PDXK: variants seen among roughly 807,000 people sequenced by gnomAD.
The protein encoded by PDXK is epididymis secretory sperm binding protein Li 1a.
In PDXK, 15 loss-of-function variants were observed where a neutral mutation model predicts 43.2. The ratio of observed to expected loss-of-function variants is 0.35; its 90% confidence interval spans 0.23 to 0.53. The LOEUF (loss-of-function observed/expected upper bound fraction) is 0.53. Ranked by LOEUF, PDXK falls within the 20% of genes least tolerant of loss-of-function variation. PDXK has a pLI of 0.92. For missense variants in PDXK, 343 were observed against 417.0 expected (o/e 0.82, Z 1.54); for synonymous variants, 172 against 165.4 (o/e 1.04, Z -0.31).
chr21:43,755,558 G>A (rs2083833324), intron 9 of PDXK, 140 bp from the exon 10 acceptor site: 1 of 745,708 alleles, frequency 1.3e-6, no homozygotes. Context: ...GGTTCAGCAC[G>A]TGCATTGGCG....
At chr21:43,747,973 G>A (rs2083666895) in intron 5 of PDXK, among the ~76,000 whole-genome samples, 2 of 152,328 alleles carry the variant, frequency 1.3e-5, no homozygotes, top group Non-Finnish European at 2.9e-5. Context: ...GCCATGTCTG[G>A]AGCAGCGGCC....
chr21:43,740,782 T>G (rs1001732374), intron 2 of PDXK, among the ~76,000 whole-genome samples: 1 of 151,890 alleles, frequency 6.6e-6, no homozygotes. Flanking sequence ...TTCACATCTA[T>G]CTCTTGCTCA....
chr21:43,727,644 T>C lies in PDXK; in HGVS notation c.88-6425T>C, dbSNP rs150877899. Among the ~76,000 whole-genome samples the C allele has an allele frequency of 4.1e-4, 62 of 152,338 alleles. 1 individual carries two copies. The highest frequency in any genetic ancestry group is 1.4e-3 in the African/African-American group (59 of 41,578). ...GCTGTGCAGTGCACACAGGTTTGGC[T>C]GACCCCAAGGGCCAGTTGCTGTGCA... is the stretch of plus-strand genomic sequence containing the variant. On this transcript the variant is annotated intron_variant, in intron 1 of 10. Transcript: ENST00000291565.
At position 43,756,028 on chromosome 21, in the gene PDXK, G is replaced by C; in HGVS notation, c.904G>C (p.Asp302His). ...RMVQSKRDIE[D>H]PEIVVQATVL The stretch of plus-strand genomic sequence containing the variant: ...GGTGCAGAGCAAAAGGGACATCGAG[G>C]ACCCAGAGATCGTCGTCCAGGCCAC... The change falls in exon 11 of 11, where the codon GAC becomes CAC. Residue 302 changes from aspartate to histidine, a missense_variant. Asp to His is a moderately conservative substitution (Grantham distance 81, BLOSUM62 -1). Transcript: ENST00000291565. 2.5e-6 allele frequency: 4 copies of C among 1,612,744 alleles called. No homozygotes were observed. The highest frequency in any genetic ancestry group is 3.4e-6 in the Non-Finnish European group (4 of 1,179,482).
chr21:43,749,218 C>T (rs1301961259), intron 6 of PDXK, 138 bp downstream of exon 6: 1 of 501,318 alleles, frequency 2.0e-6, no homozygotes, highest in Non-Finnish European at 3.5e-6. Flanking sequence ...AATTCTCCTG[C>T]CTCAGCCTCC....
At chr21:43,749,229 C>T (rs540147520) in intron 6 of PDXK, 149 bp downstream of exon 6, 13 of 491,504 alleles carry the variant, frequency 2.6e-5, no homozygotes, top group East Asian at 7.5e-5. Flanking sequence ...CTCAGCCTCC[C>T]GAGTAGCTGG....
At chr21:43,747,851 G>C (rs977090452) in intron 5 of PDXK, among the ~76,000 whole-genome samples, 4 of 152,224 alleles carry the variant, frequency 2.6e-5, no homozygotes, top group African/African-American at 7.2e-5. Flanking sequence ...GGTTAAAGGG[G>C]TGTGTTGGCC....
At chr21:43,752,736 T>G in intron 8 of PDXK, 107 bp downstream of exon 8, 1 of 690,182 alleles carries the variant, frequency 1.4e-6, no homozygotes, top group Non-Finnish European at 2.6e-6. Context: ...ATTTAAGCCT[T>G]ATCCAGCACC....
chr21:43,733,432 C>T (rs1337162533), intron 1 of PDXK, among the ~76,000 whole-genome samples: 2 of 152,134 alleles, frequency 1.3e-5, no homozygotes, highest in Non-Finnish European at 2.9e-5. Context: ...GGATGGCCCC[C>T]CAAACTAGCG....
intron 1 of PDXK, among the ~76,000 whole-genome samples, chr21:43,729,999 G>C (rs1374274770): frequency 6.6e-6 from 1 of 152,060 alleles, no homozygotes; most frequent in African/African-American, 2.4e-5. Flanking sequence ...ATGGTAGCAC[G>C]GCGGCCTAAT....
intron 1 of PDXK, among the ~76,000 whole-genome samples, chr21:43,725,511 C>CA (rs1190414370): frequency 2.0e-5 from 3 of 151,824 alleles, no homozygotes; most frequent in Non-Finnish European, 4.4e-5. Context: ...GCAAACAGTA[C>CA]AAAAAAGCCA....
Position 43,737,768 on chromosome 21 carries a change from C to T in PDXK, c.142+3645C>T, listed in dbSNP as rs1161783759. The stretch of plus-strand genomic sequence containing the variant: ...GGCCAGGCCGGGCCAGACTCCCTGG[C>T]CGGCTGGGATCTGACAGGAGTGCCA... On this transcript the variant is annotated intron_variant, in intron 2 of 10. Transcript: ENST00000291565. This position sits in a 1 kb window ranked among gnomAD's most constrained non-coding sequence, Gnocchi z 4.8. 2.0e-6 allele frequency: 2 copies of T among 985,322 alleles called. No homozygotes were observed. Among genetic ancestry groups the T allele is most frequent in the Non-Finnish European group, 2.4e-6 (2 of 829,922 alleles). The allele number at this position is 985,322 out of a possible 1,614,324, so 61.0% of individuals were successfully genotyped here.
intron 2 of PDXK, among the ~76,000 whole-genome samples, chr21:43,740,726 G>A (rs1469404602): frequency 6.6e-6 from 1 of 151,818 alleles, no homozygotes; most frequent in African/African-American, 2.4e-5. Context: ...GCTACCCATC[G>A]GGCCAAGGGC....
chr21:43,726,295 CG>C (rs2083253222), intron 1 of PDXK, among the ~76,000 whole-genome samples: 2 of 113,378 alleles, frequency 1.8e-5, no homozygotes, highest in South Asian at 5.5e-4. Context: ...TTTTTTGAGA[CG>C]GAGTCTCACT....
intron 2 of PDXK, chr21:43,738,079 G>A (rs1009995111): frequency 2.7e-5 from 27 of 982,088 alleles, no homozygotes; most frequent in South Asian, 4.7e-5. Flanking sequence ...GCTGAATTAC[G>A]TCCCCCCAAA....
At chr21:43,740,479 A>G (rs1421274645) in intron 2 of PDXK, among the ~76,000 whole-genome samples, 1 of 152,016 alleles carries the variant, frequency 6.6e-6, no homozygotes, top group African/African-American at 2.4e-5. Flanking sequence ...ATGTGGGAGG[A>G]GGCCGGGAGC....
chr21:43,724,727 C>T (rs1285548042), intron 1 of PDXK, among the ~76,000 whole-genome samples: 1 of 151,586 alleles, frequency 6.6e-6, no homozygotes, highest in Non-Finnish European at 1.5e-5. Context: ...TGTAGTCCCA[C>T]CTACTTGGGA....
intron 9 of PDXK, 53 bp from the exon 10 acceptor site, chr21:43,755,645 A>G (rs2147326241): frequency 7.2e-7 from 1 of 1,387,406 alleles, no homozygotes; most frequent in Non-Finnish European, 1.0e-6. Flanking sequence ...AGCAGTGGGC[A>G]CGTCGGGTGT....
chr21:43,721,105 C>T (rs957263837), intron 1 of PDXK, among the ~76,000 whole-genome samples: 1 of 152,224 alleles, frequency 6.6e-6, no homozygotes, highest in African/African-American at 2.4e-5. Flanking sequence ...TGCTCCCATA[C>T]CCCGATGTCC....
Sources: allele counts gnomAD v4.1 joint callset (sites outside exome capture counted in the v4.1 genomes callset), GRCh38; gene constraint gnomAD v4.1.1; non-coding constraint Gnocchi (gnomAD v3.1); transcripts MANE v1.5; gene names NCBI Gene and HGNC (gene_info 2026-07-23, HGNC 2026-07-21).